The following AMY2B variants were observed in gnomAD, a reference collection of about 807,000 sequenced individuals.
AMY2B encodes the protein alpha-amylase 2B.
Under a neutral mutation model 59.3 loss-of-function variants are expected in AMY2B, and 63 were observed. That is an observed-to-expected ratio of 1.06 (90% confidence interval 0.87 to 1.31). The LOEUF (loss-of-function observed/expected upper bound fraction) is 1.31. AMY2B is among the 50% of genes most tolerant of loss of function. AMY2B has a pLI of 0.00. For missense variants in AMY2B, 635 were observed against 626.7 expected, an observed-to-expected ratio of 1.01 and a Z score of -0.14; for synonymous variants, 180 against 198.1, an observed-to-expected ratio of 0.91 and a Z score of 0.77.
At chr1:103,566,982 A>G (rs1651931665), upstream of AMY2B, among the ~76,000 whole-genome samples, 1 of 152,200 alleles carries the variant, frequency 6.6e-6, no homozygotes, top group South Asian at 2.1e-4. Flanking sequence ...AGGATTTGGA[A>G]ATACTAGATA....
At chr1:103,571,798 A>G (rs1652142760) in intron 1 of AMY2B, 28 bp downstream of exon 1, 2 of 1,611,994 alleles carry the variant, frequency 1.2e-6, no homozygotes, top group South Asian at 1.1e-5. Flanking sequence ...TATCAATTGC[A>G]GAATTCACTA....
At chr1:103,569,602 G>A, upstream of AMY2B, 1 of 395,630 alleles carries the variant, frequency 2.5e-6, no homozygotes. Context: ...TCCAGCATGT[G>A]CAAAGCTGGC....
At chr1:103,570,481 G>C (rs1347508696), upstream of AMY2B, 2 of 672,124 alleles carry the variant, frequency 3.0e-6, no homozygotes, top group Non-Finnish European at 5.6e-6. Flanking sequence ...ATCACCGACA[G>C]GATGCAGAAG....
rs767420306 is a variant in AMY2B at position 103,573,755 on chromosome 1, A to G, written c.561A>G (p.Lys187=). 1.2e-6 allele frequency: 2 copies of G among 1,613,846 alleles called. No individual in the cohort carries two copies. The highest frequency in any genetic ancestry group is 1.7e-6 in the Non-Finnish European group (2 of 1,179,768). Residue 187 remains lysine, a synonymous_variant, in exon 4 of 10, where the codon AAA becomes AAG. Transcript: ENST00000684275. ...LVGLLDLALE[K]DYVRSKIAEY... is the part of the protein sequence containing the mutation. The stretch of plus-strand genomic sequence containing the variant: ...GTCTTCTTGATCTTGCACTGGAGAA[A>G]GATTATGTGCGTTCCAAGATTGCCG...
chr1:103,565,081 C>G (rs1651861886), intron 1 of AMY2B: 1 of 152,172 alleles, frequency 6.6e-6, no homozygotes, highest in African/African-American at 2.4e-5. Context: ...CATTTCCCCT[C>G]TATTCCAGGG....
chr1:103,559,110 G>A (rs1651654611), intron 1 of AMY2B, among the ~76,000 whole-genome samples: 1 of 152,152 alleles, frequency 6.6e-6, no homozygotes, highest in African/African-American at 2.4e-5. Context: ...GATATGGAGG[G>A]ACGAGGAACC....
chr1:103,577,361 G>C (rs1176211492), intron 7 of AMY2B, 129 bp from the exon 8 acceptor site: 1 of 1,517,950 alleles, frequency 6.6e-7, no homozygotes, highest in African/African-American at 1.4e-5. Context: ...ATTATTGAAG[G>C]CATTGGATTC....
At chr1:103,575,114 A>C in intron 5 of AMY2B, 109 bp from the exon 6 acceptor site, 1 of 1,495,868 alleles carries the variant, frequency 6.7e-7, no homozygotes, top group Non-Finnish European at 9.1e-7. Flanking sequence ...AATTAGAGAA[A>C]GAATTTAATC....
chr1:103,572,418 G>T (rs542070500), intron 2 of AMY2B, among the ~76,000 whole-genome samples, 162 bp downstream of exon 2: 1 of 152,144 alleles, frequency 6.6e-6, no homozygotes, highest in African/African-American at 2.4e-5. Context: ...TTCAGCTTTT[G>T]TAAATATTTG....
chr1:103,571,330 T>G (rs1570645010), upstream of AMY2B: 2 of 912,438 alleles, frequency 2.2e-6, no homozygotes, highest in East Asian at 6.4e-5. Flanking sequence ...CGTGAGAACA[T>G]TAGGCCCCAG....
upstream of AMY2B, chr1:103,569,676 C>A (rs1652043586): frequency 3.6e-5 from 14 of 385,196 alleles, no homozygotes; most frequent in South Asian, 2.6e-4. Context: ...GGCACCAGGG[C>A]ATGATGGTGG....
rs544639365 is a variant in AMY2B at position 103,575,679 on chromosome 1, A to T, written c.1101+139A>T. 8.2e-4 allele frequency: 1,027 copies of T among 1,259,264 alleles called. 10 individuals carry two copies. In the South Asian group the frequency reaches 0.015, roughly 18 times the overall value. 78.0% of individuals were successfully genotyped at this position (1,259,264 alleles called of 1,614,324 possible). A position where few individuals can be genotyped will look rare whatever the true frequency, so the allele number is the denominator to read the frequency against. Reference sequence around the variant, plus strand: ...CTGATATAGGGCTGCGATTTTAGTAATGCAGGTTATATTAAAGGAGTAAAA... The same window carrying T: ...CTGATATAGGGCTGCGATTTTAGTATTGCAGGTTATATTAAAGGAGTAAAA... On this transcript the variant is annotated intron_variant, in intron 7 of 9. Coordinates refer to ENST00000684275, the MANE Select transcript of AMY2B (RefSeq NM_001387437.1).
chr1:103,555,636 G>A lies in AMY2B; in HGVS notation c.-207+527G>A, dbSNP rs148964075. Among the ~76,000 whole-genome samples, 621 of 152,170 alleles carry A rather than the reference G, an allele frequency of 4.1e-3. 4 individuals carry two copies. Among genetic ancestry groups the A allele is most frequent in the South Asian group, 0.022 (105 of 4,820 alleles). ...TGAAATGAGTTTCAGCTGTATATAC[G>A]TAGGAAAACATTCTTTTTTGTCAAC... is the stretch of plus-strand genomic sequence containing the variant. On this transcript the variant is annotated intron_variant, in intron 1 of 11. Coordinates refer to the AMY2B transcript ENST00000361355.
chr1:103,569,662 C>T (rs1652042992), upstream of AMY2B: 1 of 386,940 alleles, frequency 2.6e-6, no homozygotes. Flanking sequence ...TCATCGGTGC[C>T]CCCGGCACCA....
intron 4 of AMY2B, 118 bp downstream of exon 4, chr1:103,574,056 GT>G: frequency 6.4e-7 from 1 of 1,561,656 alleles, no homozygotes; most frequent in South Asian, 1.2e-5. Context: ...ATAAAATGGT[GT>G]TCTTTAACCT....
chr1:103,571,904 AAAC>A, intron 1 of AMY2B, 134 bp downstream of exon 1: 1 of 1,583,064 alleles, frequency 6.3e-7, no homozygotes, highest in East Asian at 2.2e-5. Context: ...TCTGAGGAAA[AAAC>A]AATGTAGTAT....
intron 1 of AMY2B, among the ~76,000 whole-genome samples, chr1:103,556,304 A>T (rs764639660): frequency 2.0e-5 from 3 of 152,216 alleles, no homozygotes; most frequent in Non-Finnish European, 4.4e-5. Context: ...TAAAGTTGAG[A>T]TTTCCCTAGG....
At chr1:103,559,465 G>A (rs1317790239) in intron 1 of AMY2B, among the ~76,000 whole-genome samples, 2 of 151,956 alleles carry the variant, frequency 1.3e-5, no homozygotes, top group Non-Finnish European at 1.5e-5. Context: ...GACTGTAGTT[G>A]GACAAAAAAT....
intron 9 of AMY2B, 28 bp downstream of exon 9, chr1:103,577,873 T>C: frequency 6.3e-7 from 1 of 1,597,850 alleles, no homozygotes; most frequent in Non-Finnish European, 8.5e-7. Flanking sequence ...AAAAATAATA[T>C]TTTGTACCTG....
Sources: allele counts gnomAD v4.1 joint callset (sites outside exome capture counted in the v4.1 genomes callset), GRCh38; gene constraint gnomAD v4.1.1; transcripts MANE v1.5; gene names NCBI Gene and HGNC (gene_info 2026-07-23, HGNC 2026-07-21).